UQCC4: variants seen among roughly 807,000 people sequenced by gnomAD.
UQCC4 encodes cattle cerebrum and skeletal muscle-specific protein 1 family member.
chr16:1,420,631 T>G, the UQCC4 span: 1 of 1,552,138 alleles, frequency 6.4e-7, no homozygotes, highest in Non-Finnish European at 8.7e-7. Context: ...GAGAGAGCAG[T>G]AAGCGCTCCG....
At chr16:1,420,593 G>A in the UQCC4 span, 10 of 1,594,264 alleles carry the variant, frequency 6.3e-6, no homozygotes, top group South Asian at 1.0e-4. Context: ...CAGCCTATGA[G>A]CCTCAGCGCC....
At chr16:1,420,324 C>T in the UQCC4 span, 1 of 1,614,204 alleles carries the variant, frequency 6.2e-7, no homozygotes, top group Non-Finnish European at 8.5e-7. Flanking sequence ...CTCCCCACAC[C>T]TGTCTCAACC....
the UQCC4 span, chr16:1,420,675 G>A: frequency 6.5e-7 from 1 of 1,548,490 alleles, no homozygotes; most frequent in African/African-American, 1.4e-5. Flanking sequence ...GGCCCTCCGA[G>A]ACCTTGAGGA....
chr16:1,420,021 C>T, the UQCC4 span: 3 of 1,607,620 alleles, frequency 1.9e-6, no homozygotes, highest in Non-Finnish European at 2.6e-6. Flanking sequence ...AGAAGTCTTG[C>T]CGATGGAATC....
chr16:1,420,376 A>T, the UQCC4 span: 1 of 1,614,188 alleles, frequency 6.2e-7, no homozygotes, highest in Non-Finnish European at 8.5e-7. Context: ...GCACCAGATG[A>T]TCAGCGCCAC....
chr16:1,420,027 G>A, the UQCC4 span: 12 of 1,609,566 alleles, frequency 7.5e-6, no homozygotes, highest in Admixed American at 3.3e-5. Flanking sequence ...CTTGCCGATG[G>A]AATCCTTGGA....
At chr16:1,420,112 A>G in the UQCC4 span, 1 of 1,613,374 alleles carries the variant, frequency 6.2e-7, no homozygotes, top group Non-Finnish European at 8.5e-7. Flanking sequence ...CAGCATAGCC[A>G]AGTGCCCCAT....
chr16:1,420,343 G>C, the UQCC4 span: 5 of 1,614,158 alleles, frequency 3.1e-6, no homozygotes, highest in South Asian at 1.1e-5. Flanking sequence ...CCACTGGTCC[G>C]CCTCGCTCTC....
At chr16:1,419,961 T>C in the UQCC4 span, 1 of 1,555,460 alleles carries the variant, frequency 6.4e-7, no homozygotes, top group Non-Finnish European at 8.8e-7. Context: ...TACAAAGACT[T>C]GGCAAATCCA....
chr16:1,420,717 G>C, the UQCC4 span: 9 of 1,540,772 alleles, frequency 5.8e-6, no homozygotes, highest in Non-Finnish European at 7.0e-6. Context: ...CACAAGACAC[G>C]ATTCATTGCT....
chr16:1,420,270 T>G, the UQCC4 span: 2 of 1,613,928 alleles, frequency 1.2e-6, no homozygotes, highest in South Asian at 2.2e-5. Flanking sequence ...TGTAGGCAGC[T>G]GGAGTCTCAG....
the UQCC4 span, chr16:1,420,063 T>G: frequency 6.2e-7 from 1 of 1,612,692 alleles, no homozygotes; most frequent in Non-Finnish European, 8.5e-7. Context: ...GAGGAGCAGT[T>G]TCCGATCTGC....
chr16:1,420,693 C>T, the UQCC4 span: 2 of 1,545,532 alleles, frequency 1.3e-6, no homozygotes, highest in East Asian at 2.4e-5. Context: ...GGAGCTCACC[C>T]GGCCGCCGGG....
chr16:1,419,836 A>G, the UQCC4 span: 11 of 1,237,406 alleles, frequency 8.9e-6, no homozygotes, highest in Non-Finnish European at 1.1e-5. Flanking sequence ...AGGCCGCAGC[A>G]TGCAATACAG....
chr16:1,419,839 C>T, the UQCC4 span: 13 of 1,250,244 alleles, frequency 1.0e-5, no homozygotes, highest in Non-Finnish European at 1.4e-5. Flanking sequence ...CCGCAGCATG[C>T]AATACAGTTT....
the UQCC4 span, chr16:1,420,471 G>T: frequency 6.2e-7 from 1 of 1,614,274 alleles, no homozygotes; most frequent in Non-Finnish European, 8.5e-7. Flanking sequence ...AGCGGTGAGG[G>T]TTGGCTTTGC....
At chr16:1,420,647 C>G in the UQCC4 span, 10 of 1,551,032 alleles carry the variant, frequency 6.4e-6, no homozygotes, top group Admixed American at 3.9e-5. Flanking sequence ...CTCCGCCCGC[C>G]CGCCGGTGTC....
the UQCC4 span, chr16:1,420,227 A>G: frequency 1.9e-6 from 3 of 1,613,474 alleles, no homozygotes; most frequent in African/African-American, 4.0e-5. Flanking sequence ...CCTTCCTGCC[A>G]GCCCCAGCGG....
chr16:1,419,882 C>A, the UQCC4 span: 2 of 1,374,928 alleles, frequency 1.5e-6, no homozygotes, highest in Non-Finnish European at 1.9e-6. Context: ...TCTCAGAAAG[C>A]AAATTACCTG....
Sources: allele counts gnomAD v4.1 joint callset, GRCh38; gene constraint gnomAD v4.1.1; transcripts MANE v1.5; gene names NCBI Gene and HGNC (gene_info 2026-07-23, HGNC 2026-07-21).